GORASP2: variants seen among roughly 807,000 people sequenced by gnomAD.
The protein encoded by GORASP2 is Golgi reassembly-stacking protein 2.
GORASP2 carries 22 observed loss-of-function variants against 45.7 expected under a neutral mutation model. That is an observed-to-expected ratio of 0.48 (90% CI 0.34 to 0.69). The LOEUF is 0.69. Ranked by LOEUF, GORASP2 falls within the 30% of genes least tolerant of loss-of-function variation. The pLI is 0.01. For missense variants in GORASP2, 491 were observed against 562.7 expected (o/e 0.87, Z 1.29); for synonymous variants, 221 against 215.6 (o/e 1.02, Z -0.22).
chr2:170,946,296 C>T (rs772486785), intron 1 of GORASP2, among the ~76,000 whole-genome samples: 2 of 152,062 alleles, frequency 1.3e-5, no homozygotes, highest in Non-Finnish European at 2.9e-5. Context: ...AGCCACTGCA[C>T]CTGGCCATGG....
chr2:170,954,506 T>C, intron 5 of GORASP2, 144 bp from the exon 6 acceptor site: 1 of 628,878 alleles, frequency 1.6e-6, no homozygotes, highest in Non-Finnish European at 2.8e-6. Flanking sequence ...TTTGTTTTTA[T>C]CTTTTAAAAT....
At chr2:170,930,178 C>T (rs1301856069) in intron 1 of GORASP2, among the ~76,000 whole-genome samples, 1 of 152,188 alleles carries the variant, frequency 6.6e-6, no homozygotes, top group Non-Finnish European at 1.5e-5. Flanking sequence ...AGCTTAACTT[C>T]CAGGACGCAG....
chr2:170,951,293 A>T, intron 4 of GORASP2, 35 bp from the exon 5 acceptor site: 3 of 1,556,582 alleles, frequency 1.9e-6, no homozygotes, highest in Non-Finnish European at 2.6e-6. Context: ...AAAGTATGGT[A>T]ACGTGAAACA....
chr2:170,959,498 C>T (rs1222608239), intron 7 of GORASP2, among the ~76,000 whole-genome samples: 1 of 152,184 alleles, frequency 6.6e-6, no homozygotes, highest in African/African-American at 2.4e-5. Context: ...GACATCATCA[C>T]TTTTGAGTAA....
intron 7 of GORASP2, among the ~76,000 whole-genome samples, chr2:170,960,179 T>C (rs777337196): frequency 7.7e-4 from 118 of 152,270 alleles, no homozygotes; most frequent in Non-Finnish European, 1.4e-3. Flanking sequence ...TTCCTGCCCC[T>C]CATTAGAATG....
chr2:170,947,583 C>T (rs1704206197), intron 1 of GORASP2, among the ~76,000 whole-genome samples: 2 of 152,178 alleles, frequency 1.3e-5, no homozygotes, highest in Non-Finnish European at 2.9e-5. Context: ...TTGCCCCTTC[C>T]TCTTCTCACC....
chr2:170,965,463 G>A (rs1704662043), intron 9 of GORASP2, among the ~76,000 whole-genome samples: 1 of 152,198 alleles, frequency 6.6e-6, no homozygotes, highest in African/African-American at 2.4e-5. Context: ...GACATCCAGT[G>A]TAGCTGTGTC....
At chr2:170,953,140 G>T (rs1185979510) in intron 5 of GORASP2, among the ~76,000 whole-genome samples, 1 of 152,124 alleles carries the variant, frequency 6.6e-6, no homozygotes, top group Non-Finnish European at 1.5e-5. Flanking sequence ...TGGATCACTT[G>T]AACTCAGGAG....
At chr2:170,956,758 T>G (rs1704435885) in intron 7 of GORASP2, among the ~76,000 whole-genome samples, 199 bp downstream of exon 7, 1 of 152,016 alleles carries the variant, frequency 6.6e-6, no homozygotes, top group Non-Finnish European at 1.5e-5. Flanking sequence ...AAAAAAACTT[T>G]TTTTAATTAG....
At chr2:170,941,832 C>G (rs1235460143) in intron 1 of GORASP2, among the ~76,000 whole-genome samples, 1 of 152,020 alleles carries the variant, frequency 6.6e-6, no homozygotes, top group East Asian at 1.9e-4. Context: ...TAGTGTATTG[C>G]TTTTAGAGAA....
intron 1 of GORASP2, chr2:170,930,064 G>A (rs1365479191): frequency 4.1e-6 from 1 of 243,080 alleles, no homozygotes; most frequent in African/African-American, 2.4e-5. Context: ...TGTTCCGATT[G>A]CTGAGGGTGT....
In GORASP2 at chr2:170,929,331, G is replaced by C. The variant is rs1201376373; in HGVS notation, c.-10G>C. On this transcript the variant is annotated 5_prime_UTR_variant, in exon 1 of 10. Coordinates refer to ENST00000234160, the MANE Select transcript of GORASP2 (RefSeq NM_015530.5). ...GGAGCCCGGCTCGGCCACACCGATC[G>C]CCCGCCGCCATGGGCTCCTCGCAAA... 2.9e-6 allele frequency: 4 copies of C among 1,359,210 alleles called. No individual in the cohort carries two copies. The highest frequency in any genetic ancestry group is 3.8e-6 in the Non-Finnish European group (4 of 1,057,148). The allele number at this position is 1,359,210 out of a possible 1,614,324, so 84.2% of individuals were successfully genotyped here. A position where few individuals can be genotyped will look rare whatever the true frequency, so the allele number is the denominator to read the frequency against.
intron 5 of GORASP2, 95 bp downstream of exon 5, chr2:170,951,553 G>T: frequency 5.9e-6 from 6 of 1,013,798 alleles, no homozygotes; most frequent in East Asian, 2.6e-5. Context: ...AGAAATTACT[G>T]GTTTATTTTA....
Position 170,965,987 on chromosome 2 carries a change from G to A in GORASP2, c.1216G>A (p.Ala406Thr), listed in dbSNP as rs773046298. ...TGCCACAACTACTGCAAAGGCAGAC[G>A]CTGCCTCCTCACTCACTGTGGATGT... is the stretch of plus-strand genomic sequence containing the variant. ...DPATTTAKAD[A>T]ASSLTVDVTP... Residue 406 changes from alanine (A) to threonine (T), a missense_variant, in exon 10 of 10, where the codon GCT becomes ACT. Ala to Thr is a moderately conservative substitution (Grantham distance 58). This residue lies in a region of GORASP2 where 297 missense variants were observed against 292.3 expected (regional missense o/e 1.02). Coordinates refer to ENST00000234160, the MANE Select transcript of GORASP2 (RefSeq NM_015530.5). 1.1e-5 allele frequency: 17 copies of A among 1,613,752 alleles called. No individual in the cohort carries two copies. The highest frequency in any genetic ancestry group is 4.0e-5 in the African/African-American group (3 of 74,994).
chr2:170,963,828 A>G lies in GORASP2; in HGVS notation c.1018+882A>G, dbSNP rs564494005. Reference sequence around the variant, plus strand: ...TGGCTAATTTTTTTGTATTTTTTGTAGAGAAGGGGTTTCACCATGTTGCCC... The same window carrying G: ...TGGCTAATTTTTTTGTATTTTTTGTGGAGAAGGGGTTTCACCATGTTGCCC... On this transcript the variant is annotated intron_variant, in intron 9 of 9. Transcript: ENST00000234160. 5.3e-4 allele frequency among the ~76,000 whole-genome samples: 81 copies of G among 152,134 alleles called. 1 individual carries two copies. Among genetic ancestry groups the G allele is most frequent in the Admixed American group, 7.2e-4 (11 of 15,272 alleles).
chr2:170,961,937 G>C (rs1296760564), intron 8 of GORASP2, among the ~76,000 whole-genome samples, 188 bp downstream of exon 8: 1 of 152,234 alleles, frequency 6.6e-6, no homozygotes, highest in Non-Finnish European at 1.5e-5. Context: ...AGGAACCAGA[G>C]ATGTCATTTA....
chr2:170,944,165 T>C (rs778833461), intron 1 of GORASP2, among the ~76,000 whole-genome samples: 10 of 152,200 alleles, frequency 6.6e-5, no homozygotes, highest in Non-Finnish European at 1.2e-4. Flanking sequence ...AGTGGTAATC[T>C]GATGCTTGAG....
At chr2:170,949,982 G>T (rs1704264812) in intron 3 of GORASP2, 1 of 534,918 alleles carries the variant, frequency 1.9e-6, no homozygotes. Flanking sequence ...AGATGTGTTA[G>T]AGTAGATAGC....
chr2:170,960,306 A>G (rs1045247641), intron 7 of GORASP2, among the ~76,000 whole-genome samples: 5 of 152,162 alleles, frequency 3.3e-5, no homozygotes, highest in African/African-American at 7.2e-5. Flanking sequence ...ACACTCAACT[A>G]TCCATTCAAC....
Sources: allele counts gnomAD v4.1 joint callset (sites outside exome capture counted in the v4.1 genomes callset), GRCh38; gene constraint gnomAD v4.1.1; regional missense constraint gnomAD v4.1.1; transcripts MANE v1.5; gene names NCBI Gene and HGNC (gene_info 2026-07-23, HGNC 2026-07-21).